PPP1R1C: variants seen among roughly 807,000 people sequenced by gnomAD.
PPP1R1C encodes the protein protein phosphatase 1 regulatory subunit 1C.
A neutral mutation model predicts 17.4 loss-of-function variants in PPP1R1C; 15 were observed. The observed-to-expected ratio is 0.86, with a 90% CI of 0.58 to 1.33. The LOEUF (loss-of-function observed/expected upper bound fraction) is 1.33, where lower values mean the gene tolerates loss of function less well. Among genes scored for constraint, PPP1R1C ranks in the 40% most tolerant of loss-of-function variants. The probability of loss-of-function intolerance (pLI) is 0.00; values close to 1 mark genes in which losing one functional copy is unlikely to be tolerated. For synonymous variants in PPP1R1C, 35 were observed against 43.1 expected (o/e 0.81, Z 0.73); for missense variants, 143 against 130.0 (o/e 1.10, Z -0.48).
At chr2:182,019,888 T>C (rs1686366188) in intron 2 of PPP1R1C, among the ~76,000 whole-genome samples, 1 of 152,214 alleles carries the variant, frequency 6.6e-6, no homozygotes, top group African/African-American at 2.4e-5. Flanking sequence ...GCAACTAATT[T>C]GATGAAGTGT....
chr2:181,977,738 G>A lies in PPP1R1C; in HGVS notation n.157+2474G>A, dbSNP rs114061043. On this transcript the variant is annotated intron_variant and non_coding_transcript_variant, in intron 2 of 5. Transcript: ENST00000464264. ...TCTGTAGGTCAAGAATCCAGGTAAG[G>A]CAAAGTGAAGATGACTTGTCTCTGC... Among the ~76,000 whole-genome samples the A allele has an allele frequency of 6.1e-3, 924 of 152,206 alleles. 14 individuals are homozygous for A. Among genetic ancestry groups the A allele is most frequent in the African/African-American group, 0.021 (852 of 41,520 alleles).
At chr2:182,104,217 C>G (rs1689182350) in intron 4 of PPP1R1C, among the ~76,000 whole-genome samples, 1 of 152,156 alleles carries the variant, frequency 6.6e-6, no homozygotes, top group African/African-American at 2.4e-5. Context: ...CCTACTTGCT[C>G]TAGCTAGGAC....
intron 4 of PPP1R1C, among the ~76,000 whole-genome samples, chr2:182,100,886 G>T (rs970619731): frequency 7.9e-5 from 12 of 152,192 alleles, no homozygotes; most frequent in Non-Finnish European, 1.5e-5. Flanking sequence ...GATCGCGATT[G>T]TCCCAATGGT....
In PPP1R1C at chr2:182,076,181, C is replaced by CTTTTTTTTTTTTTTTT. The variant is rs1319925818; in HGVS notation, c.241+12400_241+12401insTTTTTTTTTTTTTTTT. On this transcript the variant is annotated intron_variant, in intron 4 of 4. Transcript: ENST00000682840. ...TTATCTATAAATCAAGGATTTTGAA[C>CTTTTTTTTTTTTTTTT]TTTTTTTTTTCTTTTCTTTTTTTTT... 1.7e-4 allele frequency among the ~76,000 whole-genome samples: 8 copies of CTTTTTTTTTTTTTTTT among 47,486 alleles called. 2 individuals are homozygous for CTTTTTTTTTTTTTTTT. Among genetic ancestry groups the CTTTTTTTTTTTTTTTT allele is most frequent in the African/African-American group, 6.1e-4 (7 of 11,570 alleles). The allele number at this position is 47,486 out of a possible 152,430, so 31.2% of individuals were successfully genotyped here. A position where few individuals can be genotyped will look rare whatever the true frequency, so the allele number is the denominator to read the frequency against.
At chr2:182,014,957 T>C (rs532296412) in intron 2 of PPP1R1C, among the ~76,000 whole-genome samples, 58 of 152,112 alleles carry the variant, frequency 3.8e-4, no homozygotes, top group African/African-American at 1.3e-3. Flanking sequence ...TGGGCTCCCA[T>C]CTTGCTCAGG....
intron 2 of PPP1R1C, among the ~76,000 whole-genome samples, chr2:181,996,455 A>G (rs529635821): frequency 7.9e-5 from 12 of 152,288 alleles, no homozygotes; most frequent in Non-Finnish European, 1.3e-4. Context: ...TGTTACACCT[A>G]TATCTGTGAG....
intron 2 of PPP1R1C, among the ~76,000 whole-genome samples, chr2:182,035,639 A>C (rs1686980743): frequency 6.6e-6 from 1 of 152,036 alleles, no homozygotes; most frequent in East Asian, 1.9e-4. Flanking sequence ...GTTGTTTGAA[A>C]GTGTGTAGCA....
chr2:182,055,171 T>A lies in PPP1R1C; in HGVS notation c.143-6271T>A, dbSNP rs530650616. On this transcript the variant is annotated intron_variant, in intron 2 of 4. Transcript: ENST00000682840. ...TTCTGAGTGTATCTCTTTGTATGGATTTTTAGCAATTGTGCTATTATGCAT... is the reference window on the plus strand; with the variant it reads ...TTCTGAGTGTATCTCTTTGTATGGAATTTTAGCAATTGTGCTATTATGCAT... 5.9e-5 allele frequency among the ~76,000 whole-genome samples: 9 copies of A among 152,272 alleles called. No homozygotes were observed. In the South Asian group the frequency reaches 1.2e-3, roughly 21 times the overall value.
At chr2:182,063,931 ATATCT>A in intron 4 of PPP1R1C, 140 bp downstream of exon 4, 4 of 641,166 alleles carry the variant, frequency 6.2e-6, no homozygotes, top group Admixed American at 2.4e-5. Flanking sequence ...GTTCAGTAAG[ATATCT>A]TATCTACTTA....
chr2:181,999,439 A>G (rs1425424353), intron 2 of PPP1R1C, among the ~76,000 whole-genome samples: 1 of 152,208 alleles, frequency 6.6e-6, no homozygotes, highest in East Asian at 1.9e-4. Context: ...TATTTCAGTA[A>G]GTAGGTCTGT....
intron 2 of PPP1R1C, among the ~76,000 whole-genome samples, chr2:182,004,055 G>C (rs564338977): frequency 3.9e-5 from 6 of 152,112 alleles, no homozygotes; most frequent in Non-Finnish European, 8.8e-5. Flanking sequence ...TGTTAGAAAG[G>C]CGTGCCATAT....
chr2:182,049,650 G>A (rs1256485065), intron 2 of PPP1R1C, among the ~76,000 whole-genome samples: 2 of 152,090 alleles, frequency 1.3e-5, no homozygotes, highest in Non-Finnish European at 2.9e-5. Context: ...TTTCCTCTGT[G>A]AGGCAAAATA....
intron 4 of PPP1R1C, among the ~76,000 whole-genome samples, chr2:182,084,146 TC>T (rs1279007413): frequency 6.6e-6 from 1 of 152,168 alleles, no homozygotes; most frequent in East Asian, 1.9e-4. Flanking sequence ...TGTTTGAATT[TC>T]TTGCAGAGTC....
Position 181,967,536 on chromosome 2 carries a change from T to C in PPP1R1C, n.112-7683T>C, listed in dbSNP as rs1029553323. Among the ~76,000 whole-genome samples the C allele has an allele frequency of 6.6e-6, 1 of 152,216 alleles. No homozygotes were observed. The highest frequency in any genetic ancestry group is 2.4e-5 in the African/African-American group (1 of 41,446). On this transcript the variant is annotated intron_variant and non_coding_transcript_variant, in intron 1 of 5. Transcript: ENST00000464264. This position sits in a 1 kb window ranked among gnomAD's most constrained non-coding sequence, Gnocchi z 5.5. ...TTCAAGAAATTCTTCAACTTCCTTC[T>C]TAATTTTTTAATTGATCCACTGGTC...
chr2:182,018,922 A>C (rs1028442888), intron 2 of PPP1R1C, among the ~76,000 whole-genome samples: 1 of 152,208 alleles, frequency 6.6e-6, no homozygotes, highest in Admixed American at 6.5e-5. Flanking sequence ...TTAAGTATGG[A>C]TAATTGGGTA....
intron 1 of PPP1R1C, among the ~76,000 whole-genome samples, chr2:181,956,364 T>G (rs1288528740): frequency 6.6e-6 from 1 of 152,244 alleles, no homozygotes; most frequent in African/African-American, 2.4e-5. Context: ...AACATACGTG[T>G]GCATGTGTCT....
intron 4 of PPP1R1C, among the ~76,000 whole-genome samples, chr2:182,109,473 G>A (rs1559096696): frequency 6.6e-6 from 1 of 152,216 alleles, no homozygotes; most frequent in Non-Finnish European, 1.5e-5. Flanking sequence ...TATCATAAAT[G>A]TGTGTTTTAC....
intron 1 of PPP1R1C, chr2:181,954,643 A>C (rs555705158): frequency 6.6e-6 from 1 of 152,308 alleles, no homozygotes; most frequent in South Asian, 2.1e-4. Flanking sequence ...AGGTTAGGAA[A>C]AAATTCTAAA....
intron 2 of PPP1R1C, among the ~76,000 whole-genome samples, chr2:182,022,166 A>T (rs560435519): frequency 6.6e-6 from 1 of 152,362 alleles, no homozygotes; most frequent in Admixed American, 6.5e-5. Flanking sequence ...AATTAAAGAA[A>T]CCACTACATG....
Sources: gnomAD v4.1 joint callset for allele counts (sites outside exome capture counted in the v4.1 genomes callset) on GRCh38, gnomAD v4.1.1 for gene constraint, Gnocchi (gnomAD v3.1) non-coding constraint, MANE v1.5 for transcripts, NCBI Gene and HGNC (gene_info 2026-07-23, HGNC 2026-07-21) for gene names.